The following CSMD3 variants were observed in gnomAD, a reference collection of about 807,000 sequenced individuals.
CSMD3 encodes the protein CUB and Sushi multiple domains 3, also known as CUB and sushi domain-containing protein 3.
In CSMD3, 177 loss-of-function variants were observed where a neutral mutation model predicts 435.2. The ratio of observed to expected loss-of-function variants is 0.41; its 90% confidence interval spans 0.36 to 0.46. The LOEUF (loss-of-function observed/expected upper bound fraction) is 0.46. CSMD3 is among the 20% of genes least tolerant of loss of function. CSMD3 has a pLI of 0.34. For missense variants in CSMD3, 4,265 were observed against 4,504.6 expected (o/e 0.95, Z 1.52); for synonymous variants, 1,656 against 1,520.5 (o/e 1.09, Z -2.07).
At chr8:112,277,358 G>A (rs1451366194) in intron 59 of CSMD3, among the ~76,000 whole-genome samples, 1 of 152,102 alleles carries the variant, frequency 6.6e-6, no homozygotes, top group Non-Finnish European at 1.5e-5. Context: ...TTACTAAAAC[G>A]TAGCAAGAGT....
chr8:112,531,854 A>T (rs1164965374), intron 27 of CSMD3, among the ~76,000 whole-genome samples: 1 of 152,136 alleles, frequency 6.6e-6, no homozygotes, highest in Non-Finnish European at 1.5e-5. Flanking sequence ...ATTCAAGAAA[A>T]TATGATCTAA....
intron 13 of CSMD3, among the ~76,000 whole-genome samples, chr8:112,764,094 C>G (rs2077915474): frequency 6.6e-6 from 1 of 151,392 alleles, no homozygotes; most frequent in South Asian, 2.1e-4. Context: ...AGGATTAATA[C>G]AAGTGACATT....
intron 7 of CSMD3, among the ~76,000 whole-genome samples, chr8:112,971,135 A>T (rs960515129): frequency 1.3e-5 from 2 of 152,134 alleles, no homozygotes; most frequent in African/African-American, 4.8e-5. Context: ...CTGCTATGTA[A>T]GTGTTTCTCA....
At chr8:112,496,033 G>A (rs556298847) in intron 30 of CSMD3, among the ~76,000 whole-genome samples, 4 of 152,038 alleles carry the variant, frequency 2.6e-5, no homozygotes, top group South Asian at 2.1e-4. Flanking sequence ...GTAGTGGTGC[G>A]ATCTCGGCTC....
At chr8:112,875,412 C>T (rs980169363) in intron 10 of CSMD3, among the ~76,000 whole-genome samples, 9 of 152,014 alleles carry the variant, frequency 5.9e-5, no homozygotes, top group African/African-American at 1.2e-4. Context: ...TTGCTCTTCT[C>T]GAGGAGTATC....
chr8:112,333,683 C>G lies in CSMD3; in HGVS notation c.7165+1646G>C, dbSNP rs1452168658. Among the ~76,000 whole-genome samples the G allele has an allele frequency of 2.0e-5, 3 of 152,002 alleles. No individual in the cohort carries two copies. The East Asian group carries it at 5.8e-4, about 29-fold the overall frequency. On this transcript the variant is annotated intron_variant, in intron 45 of 70. Coordinates refer to ENST00000297405, the MANE Select transcript of CSMD3 (RefSeq NM_198123.2). ...ATTCTGTCTCATACACACACACACA[C>G]ACACACACACAACACTGACATCCTT... is the stretch of plus-strand genomic sequence containing the variant.
rs79125240 is a variant in CSMD3 at position 112,360,698 on chromosome 8, C to T, written c.6137-8164G>A. On this transcript the variant is annotated intron_variant, in intron 38 of 70. Transcript: ENST00000297405. ...AACTTATAACCTAGATGAATTAGTA[C>T]TAGCAGAAAATTTAGAAGTACAGGA... Among the ~76,000 whole-genome samples, 617 of 151,864 alleles carry T rather than the reference C, an allele frequency of 4.1e-3. 3 individuals carry two copies. Among genetic ancestry groups the T allele is most frequent in the African/African-American group, 0.014 (572 of 41,500 alleles).
intron 10 of CSMD3, among the ~76,000 whole-genome samples, chr8:112,896,589 T>C (rs993739464): frequency 1.3e-5 from 2 of 151,336 alleles, no homozygotes; most frequent in African/African-American, 4.8e-5. Flanking sequence ...TACTATAGAG[T>C]CTCTGAAATT....
chr8:112,243,473 G>A (rs561791376), intron 65 of CSMD3, among the ~76,000 whole-genome samples: 7 of 151,962 alleles, frequency 4.6e-5, no homozygotes, highest in Non-Finnish European at 7.4e-5. Context: ...AATGGAAATT[G>A]TCCTGACCGA....
intron 41 of CSMD3, among the ~76,000 whole-genome samples, chr8:112,345,864 TA>T (rs11290654): frequency 0.11 from 15,938 of 148,252 alleles, 1,934 homozygotes; most frequent in African/African-American, 0.3. Context: ...TAAATCAGAG[TA>T]AAAAAAAAAT....
At chr8:113,268,603 C>T (rs2093492351) in intron 3 of CSMD3, among the ~76,000 whole-genome samples, 2 of 151,840 alleles carry the variant, frequency 1.3e-5, no homozygotes, top group Non-Finnish European at 2.9e-5. Flanking sequence ...TAATTAAAGG[C>T]CCTTAAACTC....
At chr8:112,931,248 G>C (rs1470614582) in intron 9 of CSMD3, among the ~76,000 whole-genome samples, 1 of 151,874 alleles carries the variant, frequency 6.6e-6, no homozygotes, top group African/African-American at 2.4e-5. Flanking sequence ...TTAACATAAT[G>C]ACTATGCTAT....
intron 4 of CSMD3, among the ~76,000 whole-genome samples, chr8:113,152,157 G>A (rs937196570): frequency 2.0e-5 from 3 of 151,912 alleles, no homozygotes; most frequent in Admixed American, 1.3e-4. Flanking sequence ...CACCTGGGAA[G>A]GTTTTGGGGA....
At chr8:112,535,951 G>A (rs1375157205) in intron 27 of CSMD3, among the ~76,000 whole-genome samples, 1 of 152,000 alleles carries the variant, frequency 6.6e-6, no homozygotes, top group Non-Finnish European at 1.5e-5. Context: ...AATGGTGCTG[G>A]GAAAACTGGC....
At chr8:112,757,056 A>G (rs963562384) in intron 13 of CSMD3, among the ~76,000 whole-genome samples, 2 of 152,136 alleles carry the variant, frequency 1.3e-5, no homozygotes, top group East Asian at 1.9e-4. Flanking sequence ...GGCATGAGCT[A>G]CTGTGCCTGG....
chr8:113,084,481 G>A (rs1313169579), intron 5 of CSMD3, among the ~76,000 whole-genome samples: 1 of 151,910 alleles, frequency 6.6e-6, no homozygotes, highest in Non-Finnish European at 1.5e-5. Flanking sequence ...GGTATCCCAT[G>A]CTCATGGATT....
chr8:112,670,711 A>C (rs1586933875), intron 16 of CSMD3, among the ~76,000 whole-genome samples: 1 of 152,102 alleles, frequency 6.6e-6, no homozygotes, highest in African/African-American at 2.4e-5. Context: ...CCAAAATGGG[A>C]AACACGGAAC....
At chr8:112,624,478 A>G (rs979973692) in intron 22 of CSMD3, among the ~76,000 whole-genome samples, 4 of 152,130 alleles carry the variant, frequency 2.6e-5, no homozygotes, top group African/African-American at 9.7e-5. Flanking sequence ...TAAACAAAGT[A>G]TGAAGTAAAG....
At chr8:112,410,704 A>ATATATATATG (rs1811229860) in intron 32 of CSMD3, among the ~76,000 whole-genome samples, 1 of 116,214 alleles carries the variant, frequency 8.6e-6, no homozygotes, top group African/African-American at 3.4e-5. Context: ...ATATATGTGT[A>ATATATATATG]TATATATATA....
Sources: allele counts gnomAD v4.1 joint callset (sites outside exome capture counted in the v4.1 genomes callset), GRCh38; gene constraint gnomAD v4.1.1; transcripts MANE v1.5; gene names NCBI Gene and HGNC (gene_info 2026-07-23, HGNC 2026-07-21).